RALYL: variants seen among roughly 807,000 people sequenced by gnomAD.
The protein encoded by RALYL is RALY RNA binding protein like.
Under a neutral mutation model 35.1 loss-of-function variants are expected in RALYL, and 29 were observed. The ratio of observed to expected loss-of-function variants is 0.83; its 90% CI spans 0.61 to 1.13. The LOEUF is 1.13. Among genes scored for constraint, RALYL ranks in the 50% most tolerant of loss-of-function variants. RALYL has a pLI of 0.00. For synonymous variants in RALYL, 120 were observed against 127.6 expected, an observed-to-expected ratio of 0.94 and a Z score of 0.40; for missense variants, 359 against 360.4, an observed-to-expected ratio of 1.00 and a Z score of 0.03.
chr8:84,717,123 G>T (rs938363835), intron 2 of RALYL, among the ~76,000 whole-genome samples: 1 of 152,096 alleles, frequency 6.6e-6, no homozygotes, highest in Non-Finnish European at 1.5e-5. Context: ...GGAGGCGGAG[G>T]TTGCAGTGAG....
intron 1 of RALYL, among the ~76,000 whole-genome samples, chr8:84,427,031 A>G (rs1285206097): frequency 4.6e-5 from 7 of 152,220 alleles, no homozygotes; most frequent in Non-Finnish European, 1.0e-4. Context: ...TAAAAAAGCT[A>G]GGATATGGAA....
At chr8:84,843,451 C>T (rs529773739) in intron 4 of RALYL, among the ~76,000 whole-genome samples, 1 of 152,098 alleles carries the variant, frequency 6.6e-6, no homozygotes, top group Non-Finnish European at 1.5e-5. Flanking sequence ...CAAACCACTG[C>T]TCAATGAAAT....
intron 2 of RALYL, among the ~76,000 whole-genome samples, chr8:84,620,971 G>C (rs1239186835): frequency 6.6e-6 from 1 of 152,148 alleles, no homozygotes; most frequent in African/African-American, 2.4e-5. Flanking sequence ...CCAGCTGCGT[G>C]CTGGGAGAAC....
intron 2 of RALYL, among the ~76,000 whole-genome samples, chr8:84,645,723 T>C (rs1827343929): frequency 6.6e-6 from 1 of 152,112 alleles, no homozygotes; most frequent in Non-Finnish European, 1.5e-5. Context: ...GACACATAAG[T>C]GTGTGTTTTG....
intron 1 of RALYL, among the ~76,000 whole-genome samples, chr8:84,224,006 T>C (rs1823187404): frequency 6.6e-6 from 1 of 152,140 alleles, no homozygotes; most frequent in Admixed American, 6.5e-5. Context: ...TATGTGTAGG[T>C]ATCTTAAGTT....
At chr8:84,564,263 G>T (rs2061642026) in intron 2 of RALYL, among the ~76,000 whole-genome samples, 1 of 151,596 alleles carries the variant, frequency 6.6e-6, no homozygotes, top group Non-Finnish European at 1.5e-5. Context: ...GTCTTAGAAA[G>T]CAAAAAGTTA....
chr8:84,320,141 A>C (rs751167504), intron 1 of RALYL, among the ~76,000 whole-genome samples: 4 of 152,002 alleles, frequency 2.6e-5, no homozygotes, highest in Non-Finnish European at 4.4e-5. Context: ...ATATCTATCA[A>C]AGTCAGAATA....
chr8:84,709,016 T>C (rs1255336072), intron 2 of RALYL, among the ~76,000 whole-genome samples: 1 of 152,152 alleles, frequency 6.6e-6, no homozygotes, highest in African/African-American at 2.4e-5. Context: ...CCTAATAATA[T>C]CTTTGGGTGA....
chr8:84,702,770 G>A (rs574052320), intron 2 of RALYL, among the ~76,000 whole-genome samples: 15 of 152,044 alleles, frequency 9.9e-5, no homozygotes, highest in South Asian at 6.2e-4. Flanking sequence ...TAAATGAAAG[G>A]TATAGATACA....
rs890659301 is a variant in RALYL, at chr8:84,837,159, A to G, written c.366-12821A>G. On this transcript the variant is annotated intron_variant, in intron 4 of 8. Transcript: ENST00000521268. ...AGTTCTTATTTCAGATTCAGTTATC[A>G]AATTCTGCCTCAACTTACGGTCAAC... Among the ~76,000 whole-genome samples, 3 of 152,192 alleles carry G rather than the reference A, an allele frequency of 2.0e-5. No homozygotes were observed. In the South Asian group the frequency reaches 6.2e-4, roughly 32 times the overall value.
At chr8:84,720,939 A>G (rs1237292477) in intron 2 of RALYL, among the ~76,000 whole-genome samples, 3 of 152,156 alleles carry the variant, frequency 2.0e-5, no homozygotes, top group Non-Finnish European at 4.4e-5. Context: ...ACAATGAGAT[A>G]TTATCTCACC....
chr8:84,659,396 AC>A (rs1420466225), intron 2 of RALYL, among the ~76,000 whole-genome samples: 3 of 151,806 alleles, frequency 2.0e-5, no homozygotes, highest in Non-Finnish European at 4.4e-5. Context: ...GAGCCATTGT[AC>A]CCCTCCCTGG....
intron 1 of RALYL, among the ~76,000 whole-genome samples, chr8:84,322,666 G>T (rs1002857889): frequency 1.3e-5 from 2 of 152,064 alleles, no homozygotes; most frequent in African/African-American, 4.8e-5. Flanking sequence ...AGCTGGGTTG[G>T]ATGGCTTAAA....
chr8:84,297,833 C>T (rs775329742), intron 1 of RALYL, among the ~76,000 whole-genome samples: 11 of 151,978 alleles, frequency 7.2e-5, no homozygotes, highest in Non-Finnish European at 1.2e-4. Context: ...TTGTTGTTTG[C>T]GTGTATGTCT....
At chr8:84,386,841 C>T (rs547200998) in intron 1 of RALYL, among the ~76,000 whole-genome samples, 5 of 152,008 alleles carry the variant, frequency 3.3e-5, no homozygotes, top group Middle Eastern at 3.4e-3. Context: ...CTAAACCTCA[C>T]GGAGAGCCCT....
chr8:84,508,872 G>C (rs574187568), intron 1 of RALYL, among the ~76,000 whole-genome samples: 24 of 151,886 alleles, frequency 1.6e-4, no homozygotes, highest in African/African-American at 5.8e-4. Flanking sequence ...TCAAAAAGTC[G>C]TGTATATTTT....
At chr8:84,917,199 C>G (rs1462849649) in intron 8 of RALYL, among the ~76,000 whole-genome samples, 7 of 151,844 alleles carry the variant, frequency 4.6e-5, no homozygotes, top group African/African-American at 1.2e-4. Context: ...GTTTCTTGGT[C>G]TTTTTTATTT....
At chr8:84,705,815 C>A in intron 2 of RALYL, 1 of 1,017,778 alleles carries the variant, frequency 9.8e-7, no homozygotes, top group Non-Finnish European at 1.3e-6. Context: ...ACAATTTTCC[C>A]TAGAAGATTT....
chr8:84,539,870 A>G (rs1353697538), intron 2 of RALYL, among the ~76,000 whole-genome samples: 5 of 6,470 alleles, frequency 7.7e-4, no homozygotes, highest in African/African-American at 1.7e-3. Context: ...ATATATATAT[A>G]TATATATGTA....
Sources: allele counts gnomAD v4.1 joint callset (sites outside exome capture counted in the v4.1 genomes callset), GRCh38; gene constraint gnomAD v4.1.1; transcripts MANE v1.5; gene names NCBI Gene and HGNC (gene_info 2026-07-23, HGNC 2026-07-21).